GLYATL1: variants seen among roughly 807,000 people sequenced by gnomAD.
GLYATL1 encodes the protein glycine-N-acyltransferase like 1, also known as glycine N-acyltransferase-like protein 1.
In GLYATL1, 15 loss-of-function variants were observed where a neutral mutation model predicts 20.0. The ratio of observed to expected loss-of-function variants is 0.75; its 90% CI spans 0.50 to 1.15. The LOEUF (loss-of-function observed/expected upper bound fraction) is 1.15, where lower values mean the gene tolerates loss of function less well. Ranked by LOEUF, GLYATL1 falls within the 50% of genes most tolerant of loss-of-function variation. GLYATL1 has a pLI of 0.00. For missense variants in GLYATL1, 380 were observed against 368.5 expected, an observed-to-expected ratio of 1.03 and a Z score of -0.26; for synonymous variants, 151 against 131.5, an observed-to-expected ratio of 1.15 and a Z score of -1.01.
intron 4 of GLYATL1, among the ~76,000 whole-genome samples, chr11:58,950,313 A>G (rs1034093251): frequency 6.6e-6 from 1 of 151,900 alleles, no homozygotes; most frequent in East Asian, 1.9e-4. Context: ...ACAAAAAAAT[A>G]AACAGAGGGA....
Position 58,955,776 on chromosome 11 carries a change from T to C in GLYATL1, c.658T>C (p.Trp220Arg), listed in dbSNP as rs1336868557. 4.3e-6 allele frequency: 7 copies of C among 1,614,014 alleles called. No individual in the cohort carries two copies. The highest frequency in any genetic ancestry group is 2.5e-6 in the Non-Finnish European group (3 of 1,180,000). The part of the protein sequence containing the change: ...MLGPEGVPVS[W>R]VTMDPSCEVG... ...CGGCCCAGAGGGAGTCCCGGTCTCA[T>C]GGGTAACCATGGACCCTTCTTGTGA... Residue 220 changes from tryptophan (W) to arginine (R), a missense_variant, in exon 7 of 7, where the codon TGG becomes CGG. Physicochemically the swap from Trp to Arg is moderately radical, Grantham distance 101 (BLOSUM62 -3). Coordinates refer to ENST00000532726, the MANE Select transcript of GLYATL1 (RefSeq NM_001389712.2).
chr11:58,947,200 A>AG (rs749571284), intron 3 of GLYATL1, 35 bp downstream of exon 3: 1 of 1,598,080 alleles, frequency 6.3e-7, no homozygotes, highest in Non-Finnish European at 8.5e-7. Context: ...GTATGGGAGT[A>AG]GGGGTGTTGA....
At chr11:58,922,308 T>C (rs1295395991) in intron 1 of GLYATL1, among the ~76,000 whole-genome samples, 1 of 152,204 alleles carries the variant, frequency 6.6e-6, no homozygotes, top group Non-Finnish European at 1.5e-5. Context: ...ATTACATCTA[T>C]AAGGGCCTAG....
At chr11:58,939,171 C>T (rs1223554406), upstream of GLYATL1, among the ~76,000 whole-genome samples, 1 of 152,162 alleles carries the variant, frequency 6.6e-6, no homozygotes, top group African/African-American at 2.4e-5. Context: ...AATTGAAACT[C>T]ACCAGATGAT....
intron 4 of GLYATL1, among the ~76,000 whole-genome samples, chr11:58,951,249 T>A (rs1055386514): frequency 1.3e-5 from 2 of 152,164 alleles, no homozygotes; most frequent in African/African-American, 2.4e-5. Context: ...TAACATTCTT[T>A]TATATTAATC....
intron 1 of GLYATL1, among the ~76,000 whole-genome samples, chr11:58,933,229 C>T (rs1855680235): frequency 6.6e-6 from 1 of 152,144 alleles, no homozygotes; most frequent in Non-Finnish European, 1.5e-5. Context: ...ATATTAATAT[C>T]TGGAGGTTAG....
At chr11:58,922,090 T>A (rs2135115595) in intron 1 of GLYATL1, among the ~76,000 whole-genome samples, 1 of 152,324 alleles carries the variant, frequency 6.6e-6, no homozygotes, top group East Asian at 1.9e-4. Context: ...TGAAACTGGG[T>A]TGCATCATTT....
intron 1 of GLYATL1, among the ~76,000 whole-genome samples, chr11:58,941,547 A>G (rs1856156448): frequency 6.6e-6 from 1 of 152,226 alleles, no homozygotes; most frequent in East Asian, 1.9e-4. Flanking sequence ...TAGCCATCCC[A>G]TTACTGGGTA....
intron 1 of GLYATL1, among the ~76,000 whole-genome samples, chr11:58,931,511 G>A (rs1855600152): frequency 6.6e-6 from 1 of 152,152 alleles, no homozygotes; most frequent in East Asian, 1.9e-4. Context: ...CATCACTGGA[G>A]TAATTTCTTA....
upstream of GLYATL1, among the ~76,000 whole-genome samples, chr11:58,936,008 C>T (rs965698710): frequency 1.1e-4 from 16 of 152,172 alleles, no homozygotes; most frequent in African/African-American, 3.9e-4. Flanking sequence ...TGAAGTATGA[C>T]TTCTATTTCA....
chr11:58,955,235 G>C lies in GLYATL1; in HGVS notation c.373G>C (p.Val125Leu), dbSNP rs374359364. Residue 125 changes from valine (V) to leucine (L), a missense_variant, in exon 6 of 7, where the codon GTA becomes CTA. Physicochemically the swap from Val to Leu is conservative, Grantham distance 32. Coordinates refer to ENST00000532726, the MANE Select transcript of GLYATL1 (RefSeq NM_001389712.2). The part of the protein sequence containing the change: ...RVATFSKSVK[V>L]EHSRALLLVT... ...GGCTACATTTTCAAAGTCAGTGAAA[G>C]TAGAGCATTCGAGAGCACTCCTCTT... The C allele has an allele frequency of 2.2e-5, 36 of 1,614,030 alleles. No individual in the cohort carries two copies. In the African/African-American group the frequency reaches 4.7e-4, roughly 21 times the overall value.
At chr11:58,941,086 A>T (rs1450740205) in intron 1 of GLYATL1, among the ~76,000 whole-genome samples, 1 of 151,826 alleles carries the variant, frequency 6.6e-6, no homozygotes, top group Non-Finnish European at 1.5e-5. Flanking sequence ...CATGTGCACA[A>T]TGTGCAGGTT....
At position 58,955,334 on chromosome 11, in the gene GLYATL1, C is replaced by A. The variant is rs766739429; in HGVS notation, c.472C>A (p.Pro158Thr). The change falls in exon 6 of 7, where the codon CCA becomes ACA. Residue 158 changes from proline to threonine, a missense_variant. Pro to Thr is a conservative substitution (Grantham distance 38). Transcript: ENST00000532726. ...TGGAAGCTGGGCTGAGACAGGCCAC[C>A]CAGATGATGAATTTGAAAGGTACAA... Reference protein sequence around the residue: ...KLGSWAETGHPDDEFESETPN... With the variant: ...KLGSWAETGHTDDEFESETPN... 4.3e-6 allele frequency: 7 copies of A among 1,612,972 alleles called. No individual in the cohort carries two copies. The African/African-American group carries it at 6.7e-5, about 15-fold the overall frequency.
chr11:58,946,062 C>T (rs907393495), intron 2 of GLYATL1, among the ~76,000 whole-genome samples: 4 of 152,122 alleles, frequency 2.6e-5, no homozygotes, highest in Admixed American at 6.6e-5. Context: ...ATATCTGATT[C>T]GTGGGTTCCT....
At chr11:58,941,245 G>A (rs1565127359) in intron 1 of GLYATL1, among the ~76,000 whole-genome samples, 1 of 128,382 alleles carries the variant, frequency 7.8e-6, no homozygotes, top group Middle Eastern at 5.1e-3. Context: ...CTGTGTCCAC[G>A]TGTTCTCATT....
At chr11:58,927,815 T>C (rs897119428) in exon 1 of GLYATL1, 3 of 152,218 alleles carry the variant, frequency 2.0e-5, no homozygotes, top group Admixed American at 6.5e-5. Context: ...TTCTTATCTA[T>C]TGGAGGAAGC....
chr11:58,911,427 T>A (rs1228040868), downstream of GLYATL1, among the ~76,000 whole-genome samples: 2 of 152,230 alleles, frequency 1.3e-5, no homozygotes, highest in East Asian at 3.8e-4. Flanking sequence ...AATGGCTGTA[T>A]AATTTTGCAT....
At chr11:58,918,857 G>C (rs1016577220) in intron 1 of GLYATL1, among the ~76,000 whole-genome samples, 10 of 152,208 alleles carry the variant, frequency 6.6e-5, no homozygotes, top group Admixed American at 1.3e-4. Flanking sequence ...GAGCAAGGCT[G>C]TTGTGGTCCT....
intron 1 of GLYATL1, among the ~76,000 whole-genome samples, chr11:58,931,384 C>T (rs1207198472): frequency 6.6e-6 from 1 of 152,120 alleles, no homozygotes; most frequent in Non-Finnish European, 1.5e-5. Context: ...TTTTGAGGTA[C>T]TAGGGGTTAG....
Sources: gnomAD v4.1 joint callset for allele counts (sites outside exome capture counted in the v4.1 genomes callset) on GRCh38, gnomAD v4.1.1 for gene constraint, MANE v1.5 for transcripts, NCBI Gene and HGNC (gene_info 2026-07-23, HGNC 2026-07-21) for gene names.